PRIM2: variants seen among roughly 807,000 people sequenced by gnomAD.
PRIM2 encodes DNA primase subunit 2, also known as DNA primase large subunit.
Under a neutral mutation model 67.3 loss-of-function variants are expected in PRIM2, and 39 were observed. That is an observed-to-expected ratio of 0.58 (90% CI 0.45 to 0.76). The LOEUF (loss-of-function observed/expected upper bound fraction) is 0.76, where lower values mean the gene tolerates loss of function less well. PRIM2 is among the 30% of genes least tolerant of loss of function. The pLI, the probability that PRIM2 is intolerant of heterozygous loss-of-function variation, is 0.00. For missense variants in PRIM2, 398 were observed against 598.7 expected (o/e 0.66, Z 3.50); for synonymous variants, 143 against 198.7 (o/e 0.72, Z 2.36).
At chr6:57,254,267 A>G in the PRIM2 span, among the ~76,000 whole-genome samples, 2 of 152,158 alleles carry the variant, frequency 1.3e-5, no homozygotes, top group Admixed American at 6.5e-5. Flanking sequence ...AACCTATACC[A>G]TGCACTCTCC....
chr6:57,486,723 A>C (rs1314696412), intron 7 of PRIM2, among the ~76,000 whole-genome samples: 9 of 152,382 alleles, frequency 5.9e-5, no homozygotes, highest in African/African-American at 2.2e-4. Flanking sequence ...CCTAGGCATC[A>C]GAAATGAGAC....
chr6:57,602,353 G>A (rs1356656688), intron 11 of PRIM2, among the ~76,000 whole-genome samples: 9 of 152,134 alleles, frequency 5.9e-5, no homozygotes, highest in African/African-American at 2.2e-4. Flanking sequence ...ACCCAGCCTG[G>A]TAATAGATAT....
intron 7 of PRIM2, among the ~76,000 whole-genome samples, chr6:57,419,713 G>C (rs1771401361): frequency 6.6e-6 from 1 of 152,138 alleles, no homozygotes. Flanking sequence ...GTAGTATGTA[G>C]TAGTGGTTGC....
chr6:57,291,990 T>C, the PRIM2 span, among the ~76,000 whole-genome samples: 16,363 of 152,252 alleles, frequency 0.11, 1,112 homozygotes, highest in Middle Eastern at 0.26. Flanking sequence ...TTGGAAGTTC[T>C]GGCCAGGGCA....
At chr6:57,532,156 T>TA (rs1283803724) in intron 8 of PRIM2, among the ~76,000 whole-genome samples, 2 of 152,186 alleles carry the variant, frequency 1.3e-5, no homozygotes, top group African/African-American at 4.8e-5. Context: ...ATTATGCTTC[T>TA]AAAAAAATGG....
At chr6:57,329,558 A>G (rs1041288936) in intron 5 of PRIM2, among the ~76,000 whole-genome samples, 30 of 151,986 alleles carry the variant, frequency 2.0e-4, no homozygotes, top group African/African-American at 5.8e-4. Flanking sequence ...TCATGGGGGC[A>G]ATCTCCCCCA....
intron 7 of PRIM2, among the ~76,000 whole-genome samples, chr6:57,474,799 G>C (rs1773435397): frequency 6.6e-6 from 1 of 152,144 alleles, no homozygotes; most frequent in Admixed American, 6.5e-5. Flanking sequence ...GTGTGTGAGA[G>C]AGCCCAGGTT....
intron 12 of PRIM2, among the ~76,000 whole-genome samples, chr6:57,612,793 C>G (rs1306511393): frequency 7.6e-6 from 1 of 131,142 alleles, no homozygotes; most frequent in Admixed American, 7.9e-5. Context: ...TTCTTTTCGC[C>G]TTTTTTTTTT....
At chr6:57,641,932 G>C (rs1462251047) in intron 13 of PRIM2, among the ~76,000 whole-genome samples, 1 of 152,110 alleles carries the variant, frequency 6.6e-6, no homozygotes, top group African/African-American at 2.4e-5. Context: ...ACATGCACAC[G>C]TATGTTTATT....
At chr6:57,266,377 T>G in the PRIM2 span, among the ~76,000 whole-genome samples, 1 of 152,184 alleles carries the variant, frequency 6.6e-6, no homozygotes, top group East Asian at 1.9e-4. Flanking sequence ...GAGTCAAGAA[T>G]GAAGAATTCA....
At chr6:57,452,478 A>C (rs1305540613) in intron 7 of PRIM2, among the ~76,000 whole-genome samples, 1 of 152,188 alleles carries the variant, frequency 6.6e-6, no homozygotes, top group Non-Finnish European at 1.5e-5. Flanking sequence ...TCGCCATTCT[A>C]ACTGGTGTGA....
chr6:57,449,670 A>C (rs1229002088), intron 7 of PRIM2, among the ~76,000 whole-genome samples: 1 of 152,206 alleles, frequency 6.6e-6, no homozygotes, highest in Non-Finnish European at 1.5e-5. Flanking sequence ...CAAGCATTTA[A>C]GTGCTTGTAA....
the PRIM2 span, among the ~76,000 whole-genome samples, chr6:57,252,216 TG>T: frequency 2.0e-5 from 3 of 152,232 alleles, no homozygotes; most frequent in Non-Finnish European, 4.4e-5. Context: ...TGATAAGCAT[TG>T]TCCTTAATTG....
chr6:57,516,424 C>T (rs1774488794), intron 8 of PRIM2, among the ~76,000 whole-genome samples: 1 of 152,078 alleles, frequency 6.6e-6, no homozygotes, highest in Non-Finnish European at 1.5e-5. Context: ...ATGTAGAATA[C>T]TAACGTTTCC....
At chr6:57,405,656 T>G (rs1160793557) in intron 7 of PRIM2, among the ~76,000 whole-genome samples, 3 of 137,830 alleles carry the variant, frequency 2.2e-5, no homozygotes, top group African/African-American at 8.5e-5. Context: ...TGGTTTAACT[T>G]TCTTTTATAA....
the PRIM2 span, among the ~76,000 whole-genome samples, chr6:57,226,097 T>C: frequency 6.6e-6 from 1 of 152,098 alleles, no homozygotes; most frequent in African/African-American, 2.4e-5. Flanking sequence ...GAACATTGGG[T>C]ATTCAGTAAT....
chr6:57,252,424 T>C, the PRIM2 span, among the ~76,000 whole-genome samples: 8 of 152,154 alleles, frequency 5.3e-5, no homozygotes, highest in African/African-American at 1.7e-4. Context: ...GTCTCTTGAG[T>C]TTCCAAGCTC....
intron 9 of PRIM2, among the ~76,000 whole-genome samples, chr6:57,535,514 C>T (rs2127469395): frequency 6.6e-6 from 1 of 152,224 alleles, no homozygotes; most frequent in East Asian, 1.9e-4. Context: ...CAATTAGGTC[C>T]TAGCTTATTT....
intron 5 of PRIM2, among the ~76,000 whole-genome samples, chr6:57,359,797 G>T (rs1179013452): frequency 6.6e-6 from 1 of 152,136 alleles, no homozygotes; most frequent in Non-Finnish European, 1.5e-5. Context: ...CAACTCTGAG[G>T]AGCCCAGATT....
Sources: allele counts gnomAD v4.1 joint callset (sites outside exome capture counted in the v4.1 genomes callset), GRCh38; gene constraint gnomAD v4.1.1; transcripts MANE v1.5; gene names NCBI Gene and HGNC (gene_info 2026-07-23, HGNC 2026-07-21).